Variants in MSI2 observed in about 807,000 individuals in gnomAD.
MSI2 encodes RNA-binding protein Musashi homolog 2.
Under a neutral mutation model 45.6 loss-of-function variants are expected in MSI2, and 17 were observed. The observed-to-expected ratio is 0.37, with a 90% confidence interval of 0.26 to 0.56. MSI2 has a LOEUF of 0.56. Among genes scored for constraint, MSI2 ranks in the 20% least tolerant of loss-of-function variants. The probability of loss-of-function intolerance (pLI) is 0.77; values close to 1 mark genes in which losing one functional copy is unlikely to be tolerated. For missense variants in MSI2, 293 were observed against 444.2 expected, an observed-to-expected ratio of 0.66 and a Z score of 3.06; for synonymous variants, 156 against 158.2, an observed-to-expected ratio of 0.99 and a Z score of 0.11.
chr17:57,633,784 A>G (rs965284502), intron 10 of MSI2, among the ~76,000 whole-genome samples: 2 of 152,190 alleles, frequency 1.3e-5, no homozygotes, highest in South Asian at 2.1e-4. Flanking sequence ...CATGTGCATG[A>G]ATGTGCCTTG....
At position 57,623,361 on chromosome 17, in the gene MSI2, G is replaced by A. The variant is rs192005262; in HGVS notation, c.653-3868G>A. Among the ~76,000 whole-genome samples, 41 of 152,254 alleles carry A rather than the reference G, an allele frequency of 2.7e-4. No individual in the cohort carries two copies. The East Asian group carries it at 6.0e-3, about 22-fold the overall frequency. On this transcript the variant is annotated intron_variant, in intron 9 of 13. Coordinates refer to ENST00000284073, the MANE Select transcript of MSI2 (RefSeq NM_138962.4). ...TCTGAGTAGCTGAGTAACAGAGCCC[G>A]GGAGAAGATGAGTCATGGACCCGTC...
intron 6 of MSI2, among the ~76,000 whole-genome samples, chr17:57,526,408 T>TGTGTGTGTGTGTGTGTGA (rs1176865306): frequency 1.7e-5 from 2 of 118,538 alleles, no homozygotes; most frequent in African/African-American, 6.5e-5. Flanking sequence ...TGTGTGTGTG[T>TGTGTGTGTGTGTGTGTGA]GACAGAGAGA....
intron 10 of MSI2, among the ~76,000 whole-genome samples, chr17:57,641,791 T>C (rs1199429822): frequency 6.6e-6 from 1 of 152,186 alleles, no homozygotes; most frequent in Non-Finnish European, 1.5e-5. Flanking sequence ...CTCAGAAAGA[T>C]AGGCAGATAG....
intron 3 of MSI2, 78 bp downstream of exon 3, chr17:57,257,625 T>A (rs1024569452): frequency 2.7e-5 from 29 of 1,083,946 alleles, no homozygotes; most frequent in Non-Finnish European, 3.9e-5. Context: ...TCTTCGGAAG[T>A]AGCTAAGCGG....
chr17:57,678,095 G>A (rs1388226224), intron 13 of MSI2, among the ~76,000 whole-genome samples: 2 of 152,180 alleles, frequency 1.3e-5, no homozygotes, highest in Non-Finnish European at 2.9e-5. Flanking sequence ...GAGATGAACT[G>A]GCCACTTTGG....
chr17:57,357,952 T>C (rs1453608372), intron 5 of MSI2, among the ~76,000 whole-genome samples: 1 of 152,178 alleles, frequency 6.6e-6, no homozygotes, highest in African/African-American at 2.4e-5. Flanking sequence ...CAGCCCCATC[T>C]CCTTTCTGAG....
At chr17:57,443,665 T>C (rs1220391166) in intron 6 of MSI2, among the ~76,000 whole-genome samples, 1 of 152,138 alleles carries the variant, frequency 6.6e-6, no homozygotes, top group Non-Finnish European at 1.5e-5. Flanking sequence ...GCCCCCTGAA[T>C]GTGTTTGCTC....
intron 6 of MSI2, among the ~76,000 whole-genome samples, chr17:57,464,314 C>T (rs1365742669): frequency 5.9e-5 from 9 of 152,028 alleles, no homozygotes; most frequent in Middle Eastern, 3.2e-3. Flanking sequence ...CGTGGTGGCA[C>T]GTGCCTATAG....
At chr17:57,518,040 A>G (rs1267699372) in intron 6 of MSI2, among the ~76,000 whole-genome samples, 4 of 152,208 alleles carry the variant, frequency 2.6e-5, no homozygotes, top group Admixed American at 6.5e-5. Context: ...TCACCTTGGC[A>G]GAGCTCTCCC....
chr17:57,256,630 A>T lies in MSI2; in HGVS notation c.-113A>T, dbSNP rs1373951050. ...ATTCGGAGGAGCCCGGGCGGGGGGG[A>T]GGAGGAGGGGGAGGAGGGAGCGGAG... On this transcript the variant is annotated 5_prime_UTR_variant, in exon 1 of 14. Transcript: ENST00000284073. 5.0e-5 allele frequency: 13 copies of T among 258,698 alleles called. No homozygotes were observed. The Admixed American group carries it at 6.7e-4, about 13-fold the overall frequency. The allele number at this position is 258,698 out of a possible 1,614,324, so 16.0% of individuals were successfully genotyped here. A position where few individuals can be genotyped will look rare whatever the true frequency, so the allele number is the denominator to read the frequency against.
At chr17:57,521,440 G>GT (rs980213541) in intron 6 of MSI2, among the ~76,000 whole-genome samples, 1 of 152,100 alleles carries the variant, frequency 6.6e-6, no homozygotes, top group African/African-American at 2.4e-5. Flanking sequence ...GTTTTGTTAG[G>GT]TTTTCTTAAA....
intron 11 of MSI2, among the ~76,000 whole-genome samples, chr17:57,669,550 A>T (rs1284254320): frequency 6.6e-6 from 1 of 152,250 alleles, no homozygotes; most frequent in African/African-American, 2.4e-5. Flanking sequence ...TATAAGCATG[A>T]TATAGACAAG....
At chr17:57,580,228 A>T (rs1480021625) in intron 7 of MSI2, among the ~76,000 whole-genome samples, 1 of 152,084 alleles carries the variant, frequency 6.6e-6, no homozygotes. Context: ...TCATATCCTA[A>T]CAGTTTGCCT....
chr17:57,458,823 G>A (rs1173850431), intron 6 of MSI2, among the ~76,000 whole-genome samples: 3 of 152,250 alleles, frequency 2.0e-5, no homozygotes, highest in Admixed American at 1.3e-4. Context: ...ACAGGTGGGA[G>A]GGTGCCCTGT....
At chr17:57,686,728 A>G (rs34362099), downstream of MSI2, among the ~76,000 whole-genome samples, 21,827 of 152,192 alleles carry the variant, frequency 0.14, 2,174 homozygotes, top group East Asian at 0.49. Context: ...TTATGTCCCA[A>G]TTATCAGAGG....
intron 5 of MSI2, among the ~76,000 whole-genome samples, chr17:57,288,991 G>A (rs1315505846): frequency 6.6e-6 from 1 of 152,202 alleles, no homozygotes; most frequent in Admixed American, 6.5e-5. Context: ...ACCCTTAGAT[G>A]AGAGTCATTG....
intron 5 of MSI2, among the ~76,000 whole-genome samples, chr17:57,356,705 T>C (rs1241604616): frequency 6.6e-6 from 1 of 152,220 alleles, no homozygotes; most frequent in African/African-American, 2.4e-5. Flanking sequence ...TAAATCATTT[T>C]CCATTGTTTA....
intron 11 of MSI2, among the ~76,000 whole-genome samples, chr17:57,663,372 G>A (rs527740407): frequency 1.8e-4 from 27 of 152,364 alleles, no homozygotes; most frequent in African/African-American, 6.0e-4. Context: ...AAAATGGTCT[G>A]CCCAGGTCTG....
At chr17:57,348,925 C>G (rs1039716302) in intron 5 of MSI2, among the ~76,000 whole-genome samples, 5 of 152,330 alleles carry the variant, frequency 3.3e-5, no homozygotes, top group African/African-American at 1.2e-4. Context: ...TATTTACACT[C>G]GTGCCTGTTA....
Sources: allele counts gnomAD v4.1 joint callset (sites outside exome capture counted in the v4.1 genomes callset), GRCh38; gene constraint gnomAD v4.1.1; transcripts MANE v1.5; gene names NCBI Gene and HGNC (gene_info 2026-07-23, HGNC 2026-07-21).